GPC3: variants seen among roughly 807,000 people sequenced by gnomAD.
GPC3 encodes the protein glypican 3.
GPC3 carries 3 observed loss-of-function variants against 34.4 expected under a neutral mutation model. That is an observed-to-expected ratio of 0.09 (90% confidence interval 0.04 to 0.23). The LOEUF is 0.23. Ranked by LOEUF, GPC3 falls within the 10% of genes least tolerant of loss-of-function variation. The probability of loss-of-function intolerance (pLI) is 1.00; values close to 1 mark genes in which losing one functional copy is unlikely to be tolerated. For synonymous variants in GPC3, 177 were observed against 174.0 expected, an observed-to-expected ratio of 1.02 and a Z score of -0.13; for missense variants, 351 against 445.6, an observed-to-expected ratio of 0.79 and a Z score of 1.91.
At chrX:133,592,928 C>T (rs1368857123) in intron 7 of GPC3, among the ~76,000 whole-genome samples, 1 of 111,462 alleles carries the variant, frequency 9.0e-6, no homozygotes, top group Non-Finnish European at 1.9e-5. Context: ...AACATTTGTC[C>T]TACCCCAAGA....
In GPC3 at chrX:133,702,679, C is replaced by T. The variant is rs1320128420; in HGVS notation, c.1033-2651G>A. On this transcript the variant is annotated intron_variant, in intron 3 of 7. Coordinates refer to ENST00000370818, the MANE Select transcript of GPC3 (RefSeq NM_004484.4). The stretch of plus-strand genomic sequence containing the variant: ...AAGAACAAATGATAATGTCGCCACT[C>T]TGCAGTCTGATCTTTCTTCCCAAGC... Among the ~76,000 whole-genome samples the T allele has an allele frequency of 4.5e-5, 5 of 111,703 alleles. No homozygotes were observed. In the Admixed American group the frequency reaches 4.8e-4, roughly 11 times the overall value.
At chrX:133,689,876 G>T (rs1047420343) in intron 5 of GPC3, among the ~76,000 whole-genome samples, 1 of 112,174 alleles carries the variant, frequency 8.9e-6, no homozygotes, top group African/African-American at 3.2e-5. Context: ...GGAATGGTTT[G>T]TCATCAAGTT....
intron 2 of GPC3, among the ~76,000 whole-genome samples, chrX:133,805,133 G>A (rs1281742489): frequency 8.9e-6 from 1 of 112,151 alleles, no homozygotes; most frequent in East Asian, 2.8e-4. Context: ...GAACAGAAGT[G>A]AAGTAGTAGA....
At chrX:133,873,644 G>A (rs1013318408) in intron 2 of GPC3, among the ~76,000 whole-genome samples, 20 of 111,327 alleles carry the variant, frequency 1.8e-4, no homozygotes, top group Non-Finnish European at 2.4e-4. Context: ...AGGTTAAACA[G>A]AGGAAGTTTG....
At chrX:133,643,631 A>G (rs1428894978) in intron 6 of GPC3, among the ~76,000 whole-genome samples, 1 of 111,372 alleles carries the variant, frequency 9.0e-6, no homozygotes, top group Non-Finnish European at 1.9e-5. Flanking sequence ...TAATTTTTTA[A>G]AAAATTGGAT....
chrX:133,941,392 A>C (rs2076344623), intron 2 of GPC3, among the ~76,000 whole-genome samples: 1 of 112,703 alleles, frequency 8.9e-6, no homozygotes, highest in Non-Finnish European at 1.9e-5. Context: ...AAAGGCCAGA[A>C]AGGTTTCAGA....
intron 6 of GPC3, among the ~76,000 whole-genome samples, chrX:133,627,696 C>T (rs2070320580): frequency 8.9e-6 from 1 of 112,374 alleles, no homozygotes; most frequent in Non-Finnish European, 1.9e-5. Context: ...TTTTGATCCG[C>T]AGGTATCTTA....
At chrX:133,971,686 G>A (rs955285477) in intron 1 of GPC3, among the ~76,000 whole-genome samples, 6 of 111,110 alleles carry the variant, frequency 5.4e-5, no homozygotes, top group Non-Finnish European at 1.9e-5. Flanking sequence ...GAGGGTAGGA[G>A]GAAGGGGAGA....
At chrX:133,658,182 TTGAG>T (rs200247063) in intron 6 of GPC3, among the ~76,000 whole-genome samples, 1 of 111,720 alleles carries the variant, frequency 9.0e-6, no homozygotes, top group South Asian at 3.7e-4. Context: ...GGATGATTGA[TTGAG>T]TTTTAAACTG....
At chrX:133,540,912 TGTG>T (rs1777270937) in intron 7 of GPC3, among the ~76,000 whole-genome samples, 1 of 90,197 alleles carries the variant, frequency 1.1e-5, no homozygotes, top group Non-Finnish European at 2.2e-5. Context: ...TGGACATTGT[TGTG>T]GTGTGTGTGT....
intron 7 of GPC3, among the ~76,000 whole-genome samples, chrX:133,557,128 C>G (rs1224926979): frequency 1.9e-5 from 2 of 106,788 alleles, no homozygotes; most frequent in African/African-American, 6.8e-5. Context: ...CCCGTCTCTA[C>G]TAAAAATACA....
At chrX:133,930,993 T>C (rs768372880) in intron 2 of GPC3, among the ~76,000 whole-genome samples, 1 of 111,669 alleles carries the variant, frequency 9.0e-6, no homozygotes, top group Non-Finnish European at 1.9e-5. Context: ...CTGGTGAAAA[T>C]AGTACTTGAG....
At chrX:133,876,925 T>C (rs2076019568) in intron 2 of GPC3, among the ~76,000 whole-genome samples, 1 of 111,882 alleles carries the variant, frequency 8.9e-6, no homozygotes, top group South Asian at 3.8e-4. Flanking sequence ...TTTGTAGACA[T>C]TAAGGGTTAC....
intron 2 of GPC3, among the ~76,000 whole-genome samples, chrX:133,951,208 T>G (rs2124633752): frequency 9.1e-6 from 1 of 110,150 alleles, no homozygotes; most frequent in East Asian, 2.9e-4. Context: ...TATAGCAGGC[T>G]TATCTGGAAG....
intron 2 of GPC3, among the ~76,000 whole-genome samples, chrX:133,893,834 T>A (rs2076099519): frequency 9.0e-6 from 1 of 111,460 alleles, no homozygotes; most frequent in African/African-American, 3.3e-5. Context: ...GGTTTTTTGT[T>A]TGTTTTTTGT....
rs770674766 is a variant in GPC3, at chrX:133,862,691, AAAT to A, written c.337+90356_337+90358del. ...GGCAACAGAGCAAGACTCCATCTCA[AAAT>A]AATAATAATAATAATAATAATAATA... On this transcript the variant is annotated intron_variant, in intron 2 of 7. Transcript: ENST00000370818. Among the ~76,000 whole-genome samples, 1,066 of 107,940 alleles carry A rather than the reference AAAT, an allele frequency of 9.9e-3. 23 individuals are homozygous for A. The highest frequency in any genetic ancestry group is 0.034 in the African/African-American group (1,006 of 29,330). The allele number at this position is 107,940 out of a possible 115,157, so 93.7% of individuals were successfully genotyped here.
intron 5 of GPC3, among the ~76,000 whole-genome samples, chrX:133,689,527 A>G (rs2071041557): frequency 8.9e-6 from 1 of 111,778 alleles, no homozygotes. Flanking sequence ...CACTAATTCA[A>G]AATACATAGG....
chrX:133,700,790 C>T (rs953404492), intron 3 of GPC3, among the ~76,000 whole-genome samples: 3 of 110,734 alleles, frequency 2.7e-5, no homozygotes, highest in African/African-American at 6.6e-5. Context: ...GTGGGAGGAT[C>T]GTTTGAGCCT....
At chrX:133,703,750 G>A (rs2071188085) in intron 3 of GPC3, among the ~76,000 whole-genome samples, 1 of 111,785 alleles carries the variant, frequency 8.9e-6, no homozygotes. Flanking sequence ...GTGAGCCACC[G>A]CGCCCAGCCA....
Sources: gnomAD v4.1 joint callset for allele counts (sites outside exome capture counted in the v4.1 genomes callset) on GRCh38, gnomAD v4.1.1 for gene constraint, MANE v1.5 for transcripts, NCBI Gene and HGNC (gene_info 2026-07-23, HGNC 2026-07-21) for gene names.